Variants in ZNF730 observed in about 807,000 individuals in gnomAD.
ZNF730 encodes the protein putative zinc finger protein 730.
ZNF730 carries 12 observed loss-of-function variants against 12.6 expected under a neutral mutation model. The observed-to-expected ratio is 0.95, with a 90% CI of 0.61 to 1.54. The LOEUF (loss-of-function observed/expected upper bound fraction) is 1.54, where lower values mean the gene tolerates loss of function less well. Ranked by LOEUF, ZNF730 falls within the 40% of genes most tolerant of loss-of-function variation. ZNF730 has a pLI of 0.00. For missense variants in ZNF730, 643 were observed against 583.5 expected (o/e 1.10, Z -1.05); for synonymous variants, 194 against 195.8 (o/e 0.99, Z 0.08).
chr19:23,097,430 C>G, intron 1 of ZNF730, among the ~76,000 whole-genome samples: 1 of 152,040 alleles, frequency 6.6e-6, no homozygotes, highest in African/African-American at 2.4e-5. Context: ...TAACTCTTCT[C>G]GTCTTCATAC....
chr19:23,134,252 T>A, intron 2 of ZNF730, 46 bp downstream of exon 2: 1 of 1,442,306 alleles, frequency 6.9e-7, no homozygotes, highest in Non-Finnish European at 9.2e-7. Context: ...CCTATAGATT[T>A]CATTTATTTT....
At chr19:23,140,065 ATGTGTG>A (rs149378177) in intron 3 of ZNF730, among the ~76,000 whole-genome samples, 1 of 149,846 alleles carries the variant, frequency 6.7e-6, no homozygotes, top group African/African-American at 2.4e-5. Context: ...CAATCAGATT[ATGTGTG>A]TGTGTGTGTG....
intron 1 of ZNF730, among the ~76,000 whole-genome samples, chr19:23,099,364 T>G (rs146908178): frequency 1.4e-3 from 207 of 152,258 alleles, no homozygotes; most frequent in Non-Finnish European, 2.2e-3. Flanking sequence ...TATAAAGCCC[T>G]CAAATGGTAC....
chr19:23,134,682 T>C (rs1970801258), intron 2 of ZNF730, among the ~76,000 whole-genome samples: 1 of 134,750 alleles, frequency 7.4e-6, no homozygotes, highest in Admixed American at 7.2e-5. Context: ...TACTGGGAAG[T>C]GAGGAGCCCC....
rs752865372 is a variant in ZNF730 at position 23,106,134 on chromosome 19, AAAG to A, written c.-93-27937_-93-27935del. On this transcript the variant is annotated intron_variant, in intron 1 of 2. Coordinates refer to the ZNF730 transcript ENST00000593635. ...CAATATAACAAGACCTTCCTAAAAA[AAAG>A]AAGAAGAAAGCAGAAGGAGAAGGAG... Among the ~76,000 whole-genome samples the A allele has an allele frequency of 6.6e-5, 10 of 152,216 alleles. No homozygotes were observed. In the East Asian group the frequency reaches 1.2e-3, roughly 18 times the overall value.
At chr19:23,083,988 A>C (rs1190758464) in intron 1 of ZNF730, among the ~76,000 whole-genome samples, 2 of 152,084 alleles carry the variant, frequency 1.3e-5, no homozygotes, top group Non-Finnish European at 2.9e-5. Flanking sequence ...TTAAAAAATT[A>C]TTTCCCAGTC....
At chr19:23,078,687 G>C (rs896064840) in intron 1 of ZNF730, among the ~76,000 whole-genome samples, 2 of 152,124 alleles carry the variant, frequency 1.3e-5, no homozygotes, top group Non-Finnish European at 2.9e-5. Context: ...CTTTGTCTCT[G>C]TGTCTCTTTC....
chr19:23,110,038 C>T (rs1165790305), intron 1 of ZNF730, among the ~76,000 whole-genome samples: 1 of 149,400 alleles, frequency 6.7e-6, no homozygotes, highest in Non-Finnish European at 1.5e-5. Flanking sequence ...GTGATCTTGG[C>T]TCACAGCAAC....
chr19:23,140,864 A>T (rs1225766973), intron 3 of ZNF730, among the ~76,000 whole-genome samples: 2 of 151,864 alleles, frequency 1.3e-5, no homozygotes, highest in Non-Finnish European at 2.9e-5. Flanking sequence ...AGGCAGGAGA[A>T]TCGCTTCAAC....
chr19:23,077,717 CAGGCGTG>C (rs1383342310), intron 1 of ZNF730, among the ~76,000 whole-genome samples: 2 of 152,128 alleles, frequency 1.3e-5, no homozygotes, highest in Non-Finnish European at 2.9e-5. Context: ...GCTGGGGTTA[CAGGCGTG>C]AGGCACCACG....
chr19:23,118,975 A>G (rs1158666426), intron 1 of ZNF730, among the ~76,000 whole-genome samples: 1 of 152,242 alleles, frequency 6.6e-6, no homozygotes, highest in Admixed American at 6.5e-5. Flanking sequence ...ATAAAAAGAA[A>G]AAGAATCATC....
intron 1 of ZNF730, among the ~76,000 whole-genome samples, chr19:23,084,663 C>T (rs978883074): frequency 1.3e-5 from 2 of 152,172 alleles, no homozygotes; most frequent in Non-Finnish European, 2.9e-5. Flanking sequence ...CTCTGTGTGT[C>T]CATGTGTTCT....
intron 1 of ZNF730, among the ~76,000 whole-genome samples, chr19:23,118,176 A>AT (rs1182058231): frequency 1.3e-5 from 2 of 152,026 alleles, no homozygotes; most frequent in Admixed American, 6.6e-5. Context: ...TATTTTAATT[A>AT]TTTTTTTACA....
intron 1 of ZNF730, among the ~76,000 whole-genome samples, chr19:23,133,267 T>A (rs896544162): frequency 6.6e-6 from 1 of 152,190 alleles, no homozygotes; most frequent in African/African-American, 2.4e-5. Context: ...TTCCAGTTAC[T>A]CCATATTTGA....
chr19:23,076,840 A>AATCATTC (rs1969870355), intron 1 of ZNF730, among the ~76,000 whole-genome samples: 1 of 152,216 alleles, frequency 6.6e-6, no homozygotes, highest in Non-Finnish European at 1.5e-5. Flanking sequence ...TATTGGGTAT[A>AATCATTC]TACCCAAAAT....
chr19:23,130,294 T>C (rs1407212588), intron 1 of ZNF730, among the ~76,000 whole-genome samples: 1 of 152,166 alleles, frequency 6.6e-6, no homozygotes, highest in African/African-American at 2.4e-5. Context: ...CCTGCCACTA[T>C]CTATGTAAAA....
chr19:23,125,257 T>G (rs1045110075), intron 1 of ZNF730, among the ~76,000 whole-genome samples: 11 of 152,146 alleles, frequency 7.2e-5, no homozygotes, highest in Non-Finnish European at 1.3e-4. Context: ...TTGTTACCAG[T>G]AGAGCCGGGC....
At chr19:23,111,390 A>G (rs1970459486) in intron 1 of ZNF730, among the ~76,000 whole-genome samples, 1 of 152,210 alleles carries the variant, frequency 6.6e-6, no homozygotes, top group Admixed American at 6.5e-5. Context: ...ATTAGGATAC[A>G]TGTTTTCTCA....
chr19:23,129,572 T>TC (rs35242637), intron 1 of ZNF730, among the ~76,000 whole-genome samples: 4,681 of 138,466 alleles, frequency 0.034, 134 homozygotes, highest in African/African-American at 0.07. Context: ...AATGCTTGTA[T>TC]CCCCCCCCCC....
Sources: allele counts gnomAD v4.1 joint callset (sites outside exome capture counted in the v4.1 genomes callset), GRCh38; gene constraint gnomAD v4.1.1; transcripts MANE v1.5; gene names NCBI Gene and HGNC (gene_info 2026-07-23, HGNC 2026-07-21).